HIBCH: variants seen among roughly 807,000 people sequenced by gnomAD.
HIBCH encodes the protein 3-hydroxyisobutyryl-CoA hydrolase, mitochondrial.
A neutral mutation model predicts 58.2 loss-of-function variants in HIBCH; 50 were observed. The observed-to-expected ratio is 0.86, with a 90% CI of 0.68 to 1.09. The LOEUF is 1.09. Ranked by LOEUF, HIBCH falls within the 50% of genes least tolerant of loss-of-function variation. The pLI is 0.00. For synonymous variants in HIBCH, 151 were observed against 146.9 expected, an observed-to-expected ratio of 1.03 and a Z score of -0.20; for missense variants, 450 against 449.7, an observed-to-expected ratio of 1.00 and a Z score of -0.01.
rs540928464 is a variant in HIBCH at position 190,228,078 on chromosome 2, G to A, written c.892-15003C>T. On this transcript the variant is annotated intron_variant, in intron 11 of 13. Coordinates refer to ENST00000359678, the MANE Select transcript of HIBCH (RefSeq NM_014362.4). ...ATGTACCCAAAGGAGTATAAATCATGCTGCCATAAAGACACATGCACACAT... is the reference window on the plus strand; with the variant it reads ...ATGTACCCAAAGGAGTATAAATCATACTGCCATAAAGACACATGCACACAT... Among the ~76,000 whole-genome samples the A allele has an allele frequency of 3.3e-5, 5 of 152,214 alleles. No individual in the cohort carries two copies. In the East Asian group the frequency reaches 9.6e-4, roughly 29 times the overall value.
intron 9 of HIBCH, among the ~76,000 whole-genome samples, chr2:190,246,842 T>C (rs76094912): frequency 6.6e-6 from 1 of 152,138 alleles, no homozygotes; most frequent in Non-Finnish European, 1.5e-5. Flanking sequence ...GGGACACGTA[T>C]CTTAGCTGCA....
rs1405307439 is a variant in HIBCH at position 190,216,621 on chromosome 2, T to C, written c.892-3546A>G. On this transcript the variant is annotated intron_variant, in intron 11 of 13. Coordinates refer to ENST00000359678, the MANE Select transcript of HIBCH (RefSeq NM_014362.4). This position sits in a 1 kb window ranked among gnomAD's most constrained non-coding sequence, Gnocchi z 4.2. ...TCAGCTGTGATGCCAAACTGTCTGC[T>C]TTGTCAGAGGCCAGAATTCTTTTTA... Among the ~76,000 whole-genome samples, 1 of 152,216 alleles carries C rather than the reference T, an allele frequency of 6.6e-6. No homozygotes were observed. The highest frequency in any genetic ancestry group is 1.5e-5 in the Non-Finnish European group (1 of 68,038).
At chr2:190,244,785 G>T (rs1686556480) in intron 11 of HIBCH, 102 bp downstream of exon 11, 4 of 818,480 alleles carry the variant, frequency 4.9e-6, no homozygotes, top group Non-Finnish European at 6.6e-6. Flanking sequence ...ACAATGCATG[G>T]GCTATGTCAC....
chr2:190,305,697 C>T (rs905940442), intron 2 of HIBCH, among the ~76,000 whole-genome samples: 4 of 152,042 alleles, frequency 2.6e-5, no homozygotes, highest in Non-Finnish European at 4.4e-5. Flanking sequence ...GTGAGAGGTA[C>T]GTAAGAACTC....
intron 1 of HIBCH, among the ~76,000 whole-genome samples, chr2:190,317,879 A>C (rs1177129503): frequency 6.7e-6 from 1 of 148,732 alleles, no homozygotes; most frequent in Non-Finnish European, 1.5e-5. Flanking sequence ...GCTGGAGTGC[A>C]GTGGCATGAT....
chr2:190,205,047 G>T lies in HIBCH; in HGVS notation c.*70C>A. The T allele has an allele frequency of 1.3e-6, 1 of 792,146 alleles. No individual in the cohort carries two copies. The highest frequency in any genetic ancestry group is 1.4e-5 in the South Asian group (1 of 70,826). 49.1% of individuals were successfully genotyped at this position (792,146 alleles called of 1,614,324 possible). A position where few individuals can be genotyped will look rare whatever the true frequency, so the allele number is the denominator to read the frequency against. ...ACAGGGTATATAAAAACAGGCAGCA[G>T]GCTGGATTTGGCCCACATGCTGTAG... is the stretch of plus-strand genomic sequence containing the variant. On this transcript the variant is annotated 3_prime_UTR_variant, in exon 14 of 14. Transcript: ENST00000359678.
intron 11 of HIBCH, among the ~76,000 whole-genome samples, chr2:190,239,647 G>GTTT (rs60949644): frequency 3.1e-5 from 4 of 127,516 alleles, no homozygotes; most frequent in African/African-American, 5.9e-5. Flanking sequence ...GTGGTTTGTA[G>GTTT]TTTTTTTTTT....
intron 9 of HIBCH, among the ~76,000 whole-genome samples, chr2:190,247,026 C>G (rs1233228670): frequency 2.6e-5 from 4 of 151,060 alleles, no homozygotes; most frequent in Non-Finnish European, 4.4e-5. Context: ...TAAACCTGTG[C>G]CATTGTAGGC....
At chr2:190,282,133 T>C (rs952567568) in intron 6 of HIBCH, among the ~76,000 whole-genome samples, 2 of 152,206 alleles carry the variant, frequency 1.3e-5, no homozygotes, top group African/African-American at 4.8e-5. Flanking sequence ...CTCCTCCAAA[T>C]TCTTTCAAGT....
intron 11 of HIBCH, among the ~76,000 whole-genome samples, chr2:190,220,689 T>C (rs553180142): frequency 6.6e-6 from 1 of 151,594 alleles, no homozygotes; most frequent in South Asian, 2.1e-4. Context: ...ACCCTTTCCG[T>C]AGGCAAGCAG....
intron 4 of HIBCH, among the ~76,000 whole-genome samples, chr2:190,293,377 T>G (rs1187824874): frequency 6.6e-6 from 1 of 151,878 alleles, no homozygotes; most frequent in Non-Finnish European, 1.5e-5. Context: ...TGTTTGAACC[T>G]GGGAGGTGGA....
At chr2:190,203,227 A>C (rs1575689204), downstream of HIBCH, 1 of 167,220 alleles carries the variant, frequency 6.0e-6, no homozygotes, top group East Asian at 1.9e-4. Context: ...ATTTAAAAAC[A>C]AAGTTCTAAC....
chr2:190,245,727 C>T (rs187508664), intron 10 of HIBCH, among the ~76,000 whole-genome samples: 12 of 152,188 alleles, frequency 7.9e-5, no homozygotes, highest in East Asian at 1.9e-4. Flanking sequence ...CCAGGCATCA[C>T]GCCTGTAATC....
At position 190,221,256 on chromosome 2, in the gene HIBCH, A is replaced by T. The variant is rs760178026; in HGVS notation, c.892-8181T>A. On this transcript the variant is annotated intron_variant, in intron 11 of 13. Coordinates refer to ENST00000359678, the MANE Select transcript of HIBCH (RefSeq NM_014362.4). ...TCGGGTTTGGACTCTACCGTCAGAGAGTGCTGGGTTAGAATCCTAGGCTTC... is the reference window on the plus strand; with the variant it reads ...TCGGGTTTGGACTCTACCGTCAGAGTGTGCTGGGTTAGAATCCTAGGCTTC... Among the ~76,000 whole-genome samples the T allele has an allele frequency of 7.2e-5, 11 of 152,288 alleles. No homozygotes were observed. In the East Asian group the frequency reaches 2.1e-3, roughly 29 times the overall value.
rs1685519814 is a variant in HIBCH, at chr2:190,216,144, GGA to G, written c.892-3071_892-3070del. On this transcript the variant is annotated intron_variant, in intron 11 of 13. Coordinates refer to ENST00000359678, the MANE Select transcript of HIBCH (RefSeq NM_014362.4). The surrounding 1 kb of genome is among the most constrained non-coding windows in gnomAD (Gnocchi z 4.2). ...AGTACAAGAGGAGGTGAGAGGATGT[GGA>G]GAGATTGGCAGGGCTGGGGGAAGGT... 1 of 152,826 alleles carries G rather than the reference GGA, an allele frequency of 6.5e-6. No individual in the cohort carries two copies. The highest frequency in any genetic ancestry group is 2.4e-5 in the African/African-American group (1 of 41,422). The allele number at this position is 152,826 out of a possible 1,614,324, so 9.5% of individuals were successfully genotyped here. A position where few individuals can be genotyped will look rare whatever the true frequency, so the allele number is the denominator to read the frequency against.
intron 6 of HIBCH, among the ~76,000 whole-genome samples, chr2:190,264,291 T>C (rs758313923): frequency 7.9e-5 from 12 of 151,894 alleles, no homozygotes; most frequent in Non-Finnish European, 1.6e-4. Flanking sequence ...CTTTTTTTTT[T>C]TTTAAACTCT....
chr2:190,199,809 G>A, downstream of HIBCH: 1 of 1,584,078 alleles, frequency 6.3e-7, no homozygotes, highest in Non-Finnish European at 8.6e-7. Context: ...TTCTAAAGAT[G>A]GCCTGGAAGT....
rs1187892051 is a variant in HIBCH at position 190,209,579 on chromosome 2, T to C, written c.1012-666A>G. Among the ~76,000 whole-genome samples the C allele has an allele frequency of 6.6e-6, 1 of 152,236 alleles. No individual in the cohort carries two copies. The highest frequency in any genetic ancestry group is 2.4e-5 in the African/African-American group (1 of 41,470). ...TTTAAAAATACGAGAAGCTCTTAGA[T>C]ATGAAGTCTTGTCTTCTCACCACTA... On this transcript the variant is annotated intron_variant, in intron 12 of 13. Transcript: ENST00000359678. This position sits in a 1 kb window ranked among gnomAD's most constrained non-coding sequence, Gnocchi z 5.6.
rs1425029982 is a variant in HIBCH, at chr2:190,208,883, C to G, written c.1042G>C (p.Ala348Pro). 6.2e-7 allele frequency: 1 copy of G among 1,613,566 alleles called. No homozygotes were observed. Among genetic ancestry groups the G allele is most frequent in the Non-Finnish European group, 8.5e-7 (1 of 1,179,590 alleles). Residue 348 changes from alanine to proline, a missense_variant, in exon 13 of 14, where the codon GCT becomes CCT. Transcript: ENST00000359678. Reference sequence around the variant, plus strand: ...TAAGTTCCCATTTGCCACTTACCAGCTCTAACGCCTTCATGAAAGTCATGA... The same window carrying G: ...TAAGTTCCCATTTGCCACTTACCAGGTCTAACGCCTTCATGAAAGTCATGA... The part of the protein sequence containing the change: ...RGHDFHEGVR[A>P]VLIDKDQSPK...
Sources: gnomAD v4.1 joint callset for allele counts (sites outside exome capture counted in the v4.1 genomes callset) on GRCh38, gnomAD v4.1.1 for gene constraint, Gnocchi (gnomAD v3.1) non-coding constraint, MANE v1.5 for transcripts, NCBI Gene and HGNC (gene_info 2026-07-23, HGNC 2026-07-21) for gene names.